Variants in ZNF385D observed in about 807,000 individuals in gnomAD.
ZNF385D encodes zinc finger protein 659.
In ZNF385D, 15 loss-of-function variants were observed where a neutral mutation model predicts 35.8. That is an observed-to-expected ratio of 0.42 (90% confidence interval 0.28 to 0.64). The LOEUF (loss-of-function observed/expected upper bound fraction) is 0.64. ZNF385D is among the 30% of genes least tolerant of loss of function. The pLI, the probability that ZNF385D is intolerant of heterozygous loss-of-function variation, is 0.23. For synonymous variants in ZNF385D, 212 were observed against 186.8 expected (o/e 1.13, Z -1.10); for missense variants, 474 against 494.6 (o/e 0.96, Z 0.39).
chr3:21,487,188 C>T (rs934776734), intron 4 of ZNF385D, among the ~76,000 whole-genome samples: 5 of 152,108 alleles, frequency 3.3e-5, no homozygotes, highest in Non-Finnish European at 7.4e-5. Flanking sequence ...TCGCACTTTA[C>T]CCTCAAGCTT....
At chr3:22,047,308 T>C (rs550429667) in intron 3 of ZNF385D, among the ~76,000 whole-genome samples, 4 of 152,190 alleles carry the variant, frequency 2.6e-5, no homozygotes, top group African/African-American at 9.6e-5. Context: ...TTCAAGTATA[T>C]AATATACTAA....
intron 3 of ZNF385D, among the ~76,000 whole-genome samples, chr3:21,801,717 C>A (rs1401783374): frequency 2.0e-5 from 3 of 152,108 alleles, no homozygotes. Flanking sequence ...CCCCTGGGTG[C>A]CCACAGAAAC....
intron 3 of ZNF385D, among the ~76,000 whole-genome samples, chr3:21,959,487 G>T (rs1364327471): frequency 1.3e-5 from 2 of 152,128 alleles, no homozygotes; most frequent in Non-Finnish European, 2.9e-5. Flanking sequence ...GAGATTGAAG[G>T]CAATCAACAC....
chr3:21,950,545 C>A (rs1702015586), intron 3 of ZNF385D, among the ~76,000 whole-genome samples: 2 of 151,020 alleles, frequency 1.3e-5, no homozygotes, highest in Non-Finnish European at 3.0e-5. Flanking sequence ...TGCAGAAGTT[C>A]TTTAATTAGA....
chr3:22,108,904 T>G (rs1221452849), intron 3 of ZNF385D, among the ~76,000 whole-genome samples: 1 of 152,000 alleles, frequency 6.6e-6, no homozygotes, highest in Non-Finnish European at 1.5e-5. Flanking sequence ...CCCTGCTACT[T>G]GGAAGGCTGA....
At chr3:22,123,922 A>ATCTCTC (rs34781505) in intron 3 of ZNF385D, among the ~76,000 whole-genome samples, 1,287 of 80,142 alleles carry the variant, frequency 0.016, 28 homozygotes, top group Middle Eastern at 0.029. Flanking sequence ...GCTAGACTCC[A>ATCTCTC]TCTCTCTCTC....
chr3:21,773,681 C>T (rs1236734055), intron 3 of ZNF385D, among the ~76,000 whole-genome samples: 1 of 151,864 alleles, frequency 6.6e-6, no homozygotes, highest in East Asian at 1.9e-4. Context: ...AGCCCACCAT[C>T]CCTGATCATT....
rs1575900250 is a variant in ZNF385D at position 21,913,709 on chromosome 3, G to A, written c.326-248681C>T. Among the ~76,000 whole-genome samples, 4 of 152,124 alleles carry A rather than the reference G, an allele frequency of 2.6e-5. No homozygotes were observed. The South Asian group carries it at 8.3e-4, about 32-fold the overall frequency. On this transcript the variant is annotated intron_variant, in intron 3 of 5. Coordinates refer to the ZNF385D transcript ENST00000494108. ...ATTCAGATGAAAGTATCAGATGCTT[G>A]GCTTTCCAAAGAGAGATTAGAACTC...
At chr3:21,930,068 A>G (rs185084047) in intron 3 of ZNF385D, among the ~76,000 whole-genome samples, 2 of 152,192 alleles carry the variant, frequency 1.3e-5, no homozygotes, top group Admixed American at 6.5e-5. Flanking sequence ...AATAATCAAG[A>G]CAAGTGGTAC....
At chr3:21,959,553 C>T (rs1172184592) in intron 3 of ZNF385D, among the ~76,000 whole-genome samples, 2 of 152,104 alleles carry the variant, frequency 1.3e-5, no homozygotes, top group African/African-American at 4.8e-5. Context: ...AAGGTACTTG[C>T]CCTAACTCCA....
intron 3 of ZNF385D, among the ~76,000 whole-genome samples, chr3:22,102,829 T>G (rs1312860640): frequency 6.6e-6 from 1 of 151,552 alleles, no homozygotes; most frequent in African/African-American, 2.4e-5. Context: ...GACTCATTAC[T>G]AGCATTGGGG....
At chr3:22,049,712 T>G (rs925030860) in intron 3 of ZNF385D, among the ~76,000 whole-genome samples, 4 of 152,194 alleles carry the variant, frequency 2.6e-5, no homozygotes, top group Non-Finnish European at 4.4e-5. Flanking sequence ...TTATTGAGAT[T>G]TGTTATCATG....
chr3:21,544,121 C>T (rs1400790688), intron 3 of ZNF385D, among the ~76,000 whole-genome samples: 1 of 152,174 alleles, frequency 6.6e-6, no homozygotes, highest in Non-Finnish European at 1.5e-5. Flanking sequence ...TTTCAGTTCA[C>T]GTGGCTTTAA....
intron 3 of ZNF385D, among the ~76,000 whole-genome samples, chr3:22,086,821 A>T (rs1701070476): frequency 6.6e-6 from 1 of 152,124 alleles, no homozygotes; most frequent in Admixed American, 6.5e-5. Flanking sequence ...TTCTGAGCAA[A>T]CTATTGCAAG....
chr3:22,247,615 T>TTTTTATTTA (rs1553636075), intron 2 of ZNF385D, among the ~76,000 whole-genome samples: 6 of 148,302 alleles, frequency 4.0e-5, no homozygotes, highest in African/African-American at 1.5e-4. Context: ...CATTTTACAA[T>TTTTTATTTA]TTTATTTATT....
intron 2 of ZNF385D, among the ~76,000 whole-genome samples, chr3:22,282,295 T>C (rs1701790588): frequency 6.6e-6 from 1 of 152,074 alleles, no homozygotes; most frequent in Admixed American, 6.6e-5. Flanking sequence ...TTGTTCTTGT[T>C]TCTGTAGCTC....
At chr3:22,190,079 C>T (rs1007250815) in intron 2 of ZNF385D, among the ~76,000 whole-genome samples, 15 of 151,950 alleles carry the variant, frequency 9.9e-5, no homozygotes, top group Non-Finnish European at 1.9e-4. Context: ...GTGGGTGTAA[C>T]GAAGCAATAA....
chr3:22,138,681 G>C (rs918296149), intron 3 of ZNF385D, among the ~76,000 whole-genome samples: 21 of 152,078 alleles, frequency 1.4e-4, no homozygotes, highest in African/African-American at 5.1e-4. Context: ...ATGGATAAAA[G>C]ACTTACATGT....
intron 2 of ZNF385D, among the ~76,000 whole-genome samples, chr3:22,262,001 A>C (rs1176198494): frequency 6.6e-6 from 1 of 152,020 alleles, no homozygotes. Flanking sequence ...GACTGGTAGA[A>C]ATAGATTGAT....
Sources: gnomAD v4.1 joint callset for allele counts (sites outside exome capture counted in the v4.1 genomes callset) on GRCh38, gnomAD v4.1.1 for gene constraint, MANE v1.5 for transcripts, NCBI Gene and HGNC (gene_info 2026-07-23, HGNC 2026-07-21) for gene names.